SEPTIN9: variants seen among roughly 807,000 people sequenced by gnomAD.
The protein encoded by SEPTIN9 is septin-9.
A neutral mutation model predicts 56.6 loss-of-function variants in SEPTIN9; 13 were observed. The ratio of observed to expected loss-of-function variants is 0.23; its 90% CI spans 0.15 to 0.37. The LOEUF is 0.37. SEPTIN9 is among the 10% of genes least tolerant of loss of function. The probability of loss-of-function intolerance (pLI) is 1.00; values close to 1 mark genes in which losing one functional copy is unlikely to be tolerated. For missense variants in SEPTIN9, 650 were observed against 823.1 expected, an observed-to-expected ratio of 0.79 and a Z score of 2.57; for synonymous variants, 332 against 334.1, an observed-to-expected ratio of 0.99 and a Z score of 0.07.
intron 3 of SEPTIN9, among the ~76,000 whole-genome samples, chr17:77,447,662 T>A (rs1368332313): frequency 1.3e-5 from 2 of 152,272 alleles, no homozygotes; most frequent in Non-Finnish European, 2.9e-5. Flanking sequence ...TCTCGCTCTG[T>A]CGCCCAGGCT....
chr17:77,283,324 G>A (rs932823520), intron 1 of SEPTIN9, among the ~76,000 whole-genome samples: 7 of 152,112 alleles, frequency 4.6e-5, no homozygotes, highest in African/African-American at 1.7e-4. Context: ...GGAGGGCTCA[G>A]ACCATTTCTG....
chr17:77,358,010 C>T (rs1456889338), intron 2 of SEPTIN9, among the ~76,000 whole-genome samples: 3 of 152,234 alleles, frequency 2.0e-5, no homozygotes, highest in Admixed American at 2.0e-4. Context: ...TACCAGTTAC[C>T]AAGCTCCTAT....
At chr17:77,491,874 G>A (rs986099570) in intron 8 of SEPTIN9, among the ~76,000 whole-genome samples, 3 of 149,692 alleles carry the variant, frequency 2.0e-5, no homozygotes, top group East Asian at 2.0e-4. Flanking sequence ...GCCACCGTCT[G>A]AGGCCCCTGC....
Position 77,498,691 on chromosome 17 carries a change from C to T in SEPTIN9, c.*33C>T, listed in dbSNP as rs1437403031. On this transcript the variant is annotated 3_prime_UTR_variant, in exon 12 of 12. Coordinates refer to ENST00000427177, the MANE Select transcript of SEPTIN9 (RefSeq NM_001113491.2). The stretch of plus-strand genomic sequence containing the variant: ...CCTGCCCACCCCCGGGATCCTGCCC[C>T]CAAGTCATTTCCGTCCCCCCCCAGG... The T allele has an allele frequency of 7.3e-7, 1 of 1,378,862 alleles. No homozygotes were observed. The highest frequency in any genetic ancestry group is 2.2e-5 in the Admixed American group (1 of 44,506). 85.4% of individuals were successfully genotyped at this position (1,378,862 alleles called of 1,614,324 possible). A position where few individuals can be genotyped will look rare whatever the true frequency, so the allele number is the denominator to read the frequency against.
intron 4 of SEPTIN9, among the ~76,000 whole-genome samples, chr17:77,486,533 CGCGCGT>C (rs2039798434): frequency 3.5e-5 from 4 of 115,532 alleles, no homozygotes; most frequent in Non-Finnish European, 7.2e-5. Flanking sequence ...CGCGCACGCG[CGCGCGT>C]GTTATATGTG....
At position 77,487,328 on chromosome 17, in the gene SEPTIN9, C is replaced by G. The variant is rs2039835349; in HGVS notation, c.914-96C>G. ...AGCCCAGGCACTGCTGAATCTCAGA[C>G]TGGAGAGCCTCGTGCCTGGGTGGGA... On this transcript the variant is annotated intron_variant, in intron 4 of 11. Transcript: ENST00000427177. The surrounding 1 kb of genome is among the most constrained non-coding windows in gnomAD (Gnocchi z 4.3). 1 of 1,363,374 alleles carries G rather than the reference C, an allele frequency of 7.3e-7. No individual in the cohort carries two copies. The allele number at this position is 1,363,374 out of a possible 1,614,324, so 84.5% of individuals were successfully genotyped here. A position where few individuals can be genotyped will look rare whatever the true frequency, so the allele number is the denominator to read the frequency against.
intron 3 of SEPTIN9, among the ~76,000 whole-genome samples, chr17:77,419,344 C>T (rs1017405824): frequency 1.4e-5 from 2 of 140,554 alleles, no homozygotes; most frequent in South Asian, 4.4e-4. Context: ...GGAGGAGTAA[C>T]AGGCCCGTGG....
At position 77,475,826 on chromosome 17, in the gene SEPTIN9, G is replaced by A; in HGVS notation, c.722-6318G>A. ...CGGCTCCCCTGCCGTGGCCTGGTCAGTGGCTTCACAGGCCTCCGTGGGCAG... is the reference window on the plus strand; with the variant it reads ...CGGCTCCCCTGCCGTGGCCTGGTCAATGGCTTCACAGGCCTCCGTGGGCAG... On this transcript the variant is annotated intron_variant, in intron 3 of 11. Transcript: ENST00000427177. This position sits in a 1 kb window ranked among gnomAD's most constrained non-coding sequence, Gnocchi z 4.6. The A allele has an allele frequency of 6.2e-7, 1 of 1,613,560 alleles. No individual in the cohort carries two copies.
intron 2 of SEPTIN9, among the ~76,000 whole-genome samples, chr17:77,361,144 G>A (rs2034404792): frequency 1.3e-5 from 2 of 152,126 alleles, no homozygotes; most frequent in Non-Finnish European, 2.9e-5. Context: ...GGCTGGTATC[G>A]AACTCCTTAC....
At chr17:77,315,838 G>T (rs947094874) in intron 2 of SEPTIN9, among the ~76,000 whole-genome samples, 1 of 152,174 alleles carries the variant, frequency 6.6e-6, no homozygotes, top group Non-Finnish European at 1.5e-5. Flanking sequence ...AGGGGTCTAT[G>T]GGGGGTGAAG....
intron 2 of SEPTIN9, among the ~76,000 whole-genome samples, chr17:77,345,430 G>A (rs1376284731): frequency 4.6e-5 from 7 of 152,336 alleles, no homozygotes; most frequent in African/African-American, 7.2e-5. Context: ...CACGTCTTAC[G>A]TTCAGGCCTT....
chr17:77,457,442 C>T (rs542976034), intron 3 of SEPTIN9, among the ~76,000 whole-genome samples: 1 of 152,278 alleles, frequency 6.6e-6, no homozygotes, highest in East Asian at 1.9e-4. Context: ...TAGGGGAACC[C>T]AGTGTGGGAG....
rs2143884151 is a variant in SEPTIN9, at chr17:77,367,785, C to T, written c.77-34274C>T. ...GAGCCGAGATCACGCCACTACACTACAGCCCGGGCGACAGAGTGAGACTGT... is the reference window on the plus strand; with the variant it reads ...GAGCCGAGATCACGCCACTACACTATAGCCCGGGCGACAGAGTGAGACTGT... On this transcript the variant is annotated intron_variant, in intron 2 of 11. Transcript: ENST00000427177. The surrounding 1 kb of genome is among the most constrained non-coding windows in gnomAD (Gnocchi z 4.5). Among the ~76,000 whole-genome samples the T allele has an allele frequency of 6.6e-6, 1 of 152,284 alleles. No homozygotes were observed. The highest frequency in any genetic ancestry group is 6.5e-5 in the Admixed American group (1 of 15,298).
chr17:77,446,363 CCT>C (rs2037742502), intron 3 of SEPTIN9: 1 of 160,710 alleles, frequency 6.2e-6, no homozygotes, highest in Non-Finnish European at 1.5e-5. Context: ...CCTCTGCCTT[CCT>C]CTTTTTTTTT....
At chr17:77,291,851 CATG>C (rs1207289657) in intron 1 of SEPTIN9, among the ~76,000 whole-genome samples, 2 of 152,330 alleles carry the variant, frequency 1.3e-5, no homozygotes, top group Middle Eastern at 3.4e-3. Flanking sequence ...AAAGATTGCG[CATG>C]ATGAGTCCCT....
intron 2 of SEPTIN9, among the ~76,000 whole-genome samples, chr17:77,332,657 C>T (rs956064161): frequency 8.5e-5 from 13 of 152,208 alleles, no homozygotes; most frequent in Admixed American, 2.0e-4. Context: ...ACTATCACCC[C>T]AGTAAGTTCC....
chr17:77,498,677 C>CCCCG lies in SEPTIN9; in HGVS notation c.*20_*21insCCGC. ...GATGTAGACGCCACCCTGCCCACCCCCGGGATCCTGCCCCCAAGTCATTTC... is the reference window on the plus strand; with the variant it reads ...GATGTAGACGCCACCCTGCCCACCCCCCCGCGGGATCCTGCCCCCAAGTCATTTC... On this transcript the variant is annotated 3_prime_UTR_variant, in exon 12 of 12. Transcript: ENST00000427177. The CCCCG allele has an allele frequency of 6.6e-7, 1 of 1,521,670 alleles. No individual in the cohort carries two copies. The highest frequency in any genetic ancestry group is 8.8e-7 in the Non-Finnish European group (1 of 1,130,316). 94.3% of individuals were successfully genotyped at this position (1,521,670 alleles called of 1,614,324 possible). A position where few individuals can be genotyped will look rare whatever the true frequency, so the allele number is the denominator to read the frequency against.
Position 77,342,085 on chromosome 17 carries a change from A to C in SEPTIN9, c.76+34888A>C, listed in dbSNP as rs1205248428. Among the ~76,000 whole-genome samples, 3 of 151,962 alleles carry C rather than the reference A, an allele frequency of 2.0e-5. No individual in the cohort carries two copies. The East Asian group carries it at 5.8e-4, about 29-fold the overall frequency. ...GCAAGACTCTGTCTCAAAAAAAAAA[A>C]AACAAAGAAAGAAAAAAGAAAAAAG... On this transcript the variant is annotated intron_variant, in intron 2 of 11. Transcript: ENST00000427177.
At chr17:77,403,854 A>G (rs1473435978) in intron 3 of SEPTIN9, among the ~76,000 whole-genome samples, 2 of 152,208 alleles carry the variant, frequency 1.3e-5, no homozygotes, top group Non-Finnish European at 2.9e-5. Context: ...GGTGTTGCGC[A>G]GCTGCCACCG....
Sources: gnomAD v4.1 joint callset for allele counts (sites outside exome capture counted in the v4.1 genomes callset) on GRCh38, gnomAD v4.1.1 for gene constraint, Gnocchi (gnomAD v3.1) non-coding constraint, MANE v1.5 for transcripts, NCBI Gene and HGNC (gene_info 2026-07-23, HGNC 2026-07-21) for gene names.